LILRA4: variants seen among roughly 807,000 people sequenced by gnomAD.
LILRA4 encodes leukocyte immunoglobulin like receptor A4, also known as leukocyte immunoglobulin-like receptor subfamily A member 4.
LILRA4 carries 51 observed loss-of-function variants against 49.5 expected under a neutral mutation model. That is an observed-to-expected ratio of 1.03 (90% CI 0.82 to 1.30). The LOEUF is 1.30. Among genes scored for constraint, LILRA4 ranks in the 50% most tolerant of loss-of-function variants. The probability of loss-of-function intolerance (pLI) is 0.00; values close to 1 mark genes in which losing one functional copy is unlikely to be tolerated. For missense variants in LILRA4, 624 were observed against 625.6 expected, an observed-to-expected ratio of 1.00 and a Z score of 0.03; for synonymous variants, 272 against 265.6, an observed-to-expected ratio of 1.02 and a Z score of -0.23.
Position 54,337,638 on chromosome 19 carries a change from C to T in LILRA4, c.714G>A (p.Glu238=). ...CAGAGCCACACTGGAGGGTCAGATT[C>T]TCTCCGGGGGTCACGACAGGGCCCT... The part of the protein sequence containing the change: ...TLQGPVVTPG[E]NLTLQCGSDV... Residue 238 remains glutamate, a synonymous_variant, in exon 5 of 8, where the codon GAG becomes GAA. Transcript: ENST00000291759. 6.2e-7 allele frequency: 1 copy of T among 1,613,636 alleles called. No individual in the cohort carries two copies. The highest frequency in any genetic ancestry group is 1.1e-5 in the South Asian group (1 of 91,042).
intron 6 of LILRA4, chr19:54,335,255 C>T (rs985949420): frequency 2.0e-5 from 3 of 152,162 alleles, no homozygotes; most frequent in Admixed American, 6.5e-5. Context: ...TGGCTTCCCC[C>T]TGGCTGCTCT....
chr19:54,338,592 C>T lies in LILRA4; in HGVS notation c.159G>A (p.Leu53=). Residue 53 remains leucine, a synonymous_variant, in exon 3 of 8, where the codon CTG becomes CTA. Transcript: ENST00000291759. The part of the protein sequence containing the change: ...NPVTIWCQGT[L]EAQGYRLDKE... ...TATCCAGACGGTACCCCTGGGCCTC[C>T]AGGGTGCCCTGACACCAGATGGTCA... 6.2e-7 allele frequency: 1 copy of T among 1,614,152 alleles called. No homozygotes were observed. Among genetic ancestry groups the T allele is most frequent in the South Asian group, 1.1e-5 (1 of 91,088 alleles).
chr19:54,336,532 T>G lies in LILRA4; in HGVS notation c.1255+309A>C, dbSNP rs114799078. 4.7e-3 allele frequency: 2,365 copies of G among 504,384 alleles called. 41 individuals carry two copies. The highest frequency in any genetic ancestry group is 0.038 in the African/African-American group (1,976 of 52,374). 31.2% of individuals were successfully genotyped at this position (504,384 alleles called of 1,614,324 possible). ...GGGAGCCCAGGGTGGGAAGTCCTCA[T>G]CTATTTCCACACTCCCATAGGCTGG... On this transcript the variant is annotated intron_variant, in intron 6 of 7. Coordinates refer to ENST00000291759, the MANE Select transcript of LILRA4 (RefSeq NM_012276.5).
At position 54,333,253 on chromosome 19, in the gene LILRA4, T is replaced by C. The variant is rs920605785; in HGVS notation, c.*319A>G. On this transcript the variant is annotated 3_prime_UTR_variant, in exon 8 of 8. Transcript: ENST00000291759. The stretch of plus-strand genomic sequence containing the variant: ...TTATGAGCTGAAGAGATAGTCCCAG[T>C]AATACACATTAGAAAATGCAGTAGT... The C allele has an allele frequency of 1.7e-5, 7 of 403,256 alleles. No individual in the cohort carries two copies. Among genetic ancestry groups the C allele is most frequent in the Non-Finnish European group, 2.7e-5 (6 of 225,788 alleles). The allele number at this position is 403,256 out of a possible 1,614,324, so 25.0% of individuals were successfully genotyped here.
At chr19:54,335,513 G>C (rs553387336) in intron 6 of LILRA4, 1 of 153,542 alleles carries the variant, frequency 6.5e-6, no homozygotes. Context: ...TTGTTTGTTT[G>C]TTTTTGAGAC....
chr19:54,334,041 C>T, intron 6 of LILRA4, 76 bp from the exon 7 acceptor site: 3 of 1,190,696 alleles, frequency 2.5e-6, no homozygotes, highest in African/African-American at 3.0e-5. Flanking sequence ...TTATATTCCT[C>T]CACCTCTCAT....
At chr19:54,337,367 G>C in intron 5 of LILRA4, 33 bp downstream of exon 5, 1 of 1,606,634 alleles carries the variant, frequency 6.2e-7, no homozygotes, top group East Asian at 2.2e-5. Flanking sequence ...GCAGAGCCTG[G>C]GTCCCCCTGA....
chr19:54,338,984 A>T, intron 1 of LILRA4, 76 bp downstream of exon 1: 1 of 1,612,646 alleles, frequency 6.2e-7, no homozygotes, highest in East Asian at 2.2e-5. Flanking sequence ...GGGATGCCCT[A>T]ATTGACTAAG....
intron 2 of LILRA4, 75 bp downstream of exon 2, chr19:54,338,791 A>G (rs1270212097): frequency 5.0e-6 from 8 of 1,603,672 alleles, no homozygotes; most frequent in East Asian, 2.2e-5. Context: ...TGCTGTCTTC[A>G]CCCCCAGCTG....
chr19:54,338,823 C>G (rs756549797), intron 2 of LILRA4, 43 bp downstream of exon 2: 1 of 1,613,160 alleles, frequency 6.2e-7, no homozygotes, highest in African/African-American at 1.3e-5. Context: ...TCCCTTGTCC[C>G]CAGAGAGGAG....
rs571939367 is a variant in LILRA4, at chr19:54,333,722, C to T, written c.1350G>A (p.Met450Ile). The T allele has an allele frequency of 6.2e-7, 1 of 1,614,128 alleles. No homozygotes were observed. Among genetic ancestry groups the T allele is most frequent in the East Asian group, 2.2e-5 (1 of 44,880 alleles). ...ACAGCAGGACCAAGCCAGCCACACC[C>T]ATGCGGATGAGATTCTCCACTGTGT... ...QDYTVENLIR[M>I]GVAGLVLLFL... The change falls in exon 8 of 8, where the codon ATG (methionine) becomes ATA (isoleucine). Residue 450 changes from methionine to isoleucine, a missense_variant. Physicochemically the swap from Met to Ile is conservative, Grantham distance 10. Coordinates refer to ENST00000291759, the MANE Select transcript of LILRA4 (RefSeq NM_012276.5).
intron 2 of LILRA4, 35 bp downstream of exon 2, chr19:54,338,831 G>T (rs1387726081): frequency 1.2e-5 from 19 of 1,613,560 alleles, no homozygotes; most frequent in Non-Finnish European, 1.5e-5. Flanking sequence ...CCCCAGAGAG[G>T]AGGAGGGACC....
rs200307831 is a variant in LILRA4 at position 54,338,369 on chromosome 19, G to A, written c.355+27C>T. The A allele has an allele frequency of 4.8e-5, 77 of 1,613,256 alleles. No homozygotes were observed. In the Middle Eastern group the frequency reaches 1.0e-3, roughly 21 times the overall value. On this transcript the variant is annotated intron_variant, in intron 3 of 7. Coordinates refer to ENST00000291759, the MANE Select transcript of LILRA4 (RefSeq NM_012276.5). The stretch of plus-strand genomic sequence containing the variant: ...CCCCCTTCCCGAGGGCAGAGCCTGG[G>A]GCTGGGACCCCTGAGTGTCCTCTCA...
rs2081298136 is a variant in LILRA4, at chr19:54,333,971, A to T, written c.1256-6T>A. ...ATTGAGGGTCTCAGTTGCTCCTAAG[A>T]ATCAAAGAATAAGGATGTTGGTGAG... On this transcript the variant is annotated splice_polypyrimidine_tract_variant and splice_region_variant and intron_variant, in intron 6 of 7. Transcript: ENST00000291759. The T allele has an allele frequency of 1.2e-6, 2 of 1,613,220 alleles. No homozygotes were observed. Among genetic ancestry groups the T allele is most frequent in the Non-Finnish European group, 1.7e-6 (2 of 1,179,182 alleles).
In LILRA4 at chr19:54,337,464, G is replaced by A. The variant is rs76682105; in HGVS notation, c.888C>T (p.Tyr296=). The change falls in exon 5 of 8, where the codon TAC becomes TAT. Residue 296 remains tyrosine, a synonymous_variant. Transcript: ENST00000291759. ...SRSYGGQYRC[Y]GAHNVSSEWS... is the part of the protein sequence containing the mutation. ...ACTCGGAGGAGACGTTGTGTGCGCC[G>A]TAGCATCTGTACTGGCCCCCGTAGG... The A allele has an allele frequency of 3.0e-3, 4,794 of 1,612,092 alleles. 85 individuals carry two copies. The African/African-American group carries it at 0.039, about 13-fold the overall frequency.
chr19:54,334,498 C>A (rs1165469915), intron 6 of LILRA4: 1 of 153,148 alleles, frequency 6.5e-6, no homozygotes. Context: ...TTAACTAATT[C>A]TTCATATAGT....
rs55684444 is a variant in LILRA4 at position 54,336,700 on chromosome 19, A to T, written c.1255+141T>A. On this transcript the variant is annotated intron_variant, in intron 6 of 7. Coordinates refer to ENST00000291759, the MANE Select transcript of LILRA4 (RefSeq NM_012276.5). The stretch of plus-strand genomic sequence containing the variant: ...GCAGGGCCTGAGCTGAGAGAGGCTC[A>T]GGGCTCACAAAGGCCGGGGCTGATG... 8.5e-6 allele frequency: 11 copies of T among 1,301,618 alleles called. No homozygotes were observed. The Admixed American group carries it at 1.9e-4, about 22-fold the overall frequency. 80.6% of individuals were successfully genotyped at this position (1,301,618 alleles called of 1,614,324 possible).
At chr19:54,337,303 A>T (rs2081336153) in intron 5 of LILRA4, 97 bp downstream of exon 5, 4 of 1,463,060 alleles carry the variant, frequency 2.7e-6, no homozygotes, top group Middle Eastern at 5.1e-4. Flanking sequence ...CTCCCTTAGG[A>T]CCCCCACCCC....
chr19:54,337,883 A>G, intron 4 of LILRA4, 53 bp downstream of exon 4: 1 of 1,556,258 alleles, frequency 6.4e-7, no homozygotes, highest in Non-Finnish European at 8.7e-7. Context: ...AAGGCTCCCA[A>G]CAGCTCACCT....
Sources: allele counts gnomAD v4.1 joint callset, GRCh38; gene constraint gnomAD v4.1.1; transcripts MANE v1.5; gene names NCBI Gene and HGNC (gene_info 2026-07-23, HGNC 2026-07-21).